Variants in TENM3 observed in about 807,000 individuals in gnomAD.
The protein encoded by TENM3 is teneurin transmembrane protein 3.
In TENM3, 63 loss-of-function variants were observed where a neutral mutation model predicts 255.1. The ratio of observed to expected loss-of-function variants is 0.25; its 90% CI spans 0.20 to 0.30. The LOEUF is 0.30. Ranked by LOEUF, TENM3 falls within the 10% of genes least tolerant of loss-of-function variation. The probability of loss-of-function intolerance (pLI) is 1.00; values close to 1 mark genes in which losing one functional copy is unlikely to be tolerated. For missense variants in TENM3, 2,929 were observed against 3,461.1 expected (o/e 0.85, Z 3.86); for synonymous variants, 1,306 against 1,322.3 (o/e 0.99, Z 0.27).
chr4:182,666,636 C>T (rs556610083), intron 6 of TENM3, among the ~76,000 whole-genome samples: 4 of 152,200 alleles, frequency 2.6e-5, no homozygotes, highest in Admixed American at 2.6e-4. Context: ...GTGGCTCATG[C>T]CTGCAATCCC....
At chr4:181,819,282 C>A in the TENM3 span, among the ~76,000 whole-genome samples, 1 of 152,056 alleles carries the variant, frequency 6.6e-6, no homozygotes, top group African/African-American at 2.4e-5. Context: ...TAGTCCCACC[C>A]AAAACGAGAT....
the TENM3 span, among the ~76,000 whole-genome samples, chr4:181,933,675 G>A: frequency 6.6e-6 from 1 of 152,142 alleles, no homozygotes; most frequent in African/African-American, 2.4e-5. Flanking sequence ...GACCAGCTTG[G>A]AAGCATTTTG....
chr4:181,772,041 T>C, the TENM3 span, among the ~76,000 whole-genome samples: 1 of 152,174 alleles, frequency 6.6e-6, no homozygotes, highest in Non-Finnish European at 1.5e-5. Context: ...ACACGTACTG[T>C]ATAACAGGTA....
At chr4:182,251,248 T>C (rs1757993781) in intron 1 of TENM3, among the ~76,000 whole-genome samples, 1 of 152,082 alleles carries the variant, frequency 6.6e-6, no homozygotes, top group South Asian at 2.1e-4. Flanking sequence ...AGCAGGAGGA[T>C]TGGGTGAGGC....
rs397762118 is a variant in TENM3, at chr4:182,385,262, C to CTTTTTT, written c.511+38348_511+38353dup. Among the ~76,000 whole-genome samples the CTTTTTT allele has an allele frequency of 2.5e-4, 28 of 112,104 alleles. 3 individuals are homozygous for CTTTTTT. Among genetic ancestry groups the CTTTTTT allele is most frequent in the East Asian group, 8.7e-4 (3 of 3,452 alleles). 73.5% of individuals were successfully genotyped at this position (112,104 alleles called of 152,430 possible). ...GGGAAAAGGAAGTTTTATTGTGCGT[C>CTTTTTT]TTTTTTTTTTTTTTTTTTTTGAGAC... On this transcript the variant is annotated intron_variant, in intron 3 of 27. Coordinates refer to ENST00000511685, the MANE Select transcript of TENM3 (RefSeq NM_001080477.4).
chr4:181,795,585 C>T, the TENM3 span, among the ~76,000 whole-genome samples: 1 of 152,244 alleles, frequency 6.6e-6, no homozygotes. Flanking sequence ...AAGGTATGAT[C>T]AATACCAGTT....
chr4:182,514,692 T>A (rs1737756636), intron 3 of TENM3, among the ~76,000 whole-genome samples: 1 of 152,130 alleles, frequency 6.6e-6, no homozygotes, highest in South Asian at 2.1e-4. Flanking sequence ...TAAATTGAGT[T>A]CATGAACTAC....
intron 1 of TENM3, among the ~76,000 whole-genome samples, chr4:182,251,398 G>A (rs997321787): frequency 5.3e-5 from 8 of 152,140 alleles, no homozygotes; most frequent in African/African-American, 1.9e-4. Flanking sequence ...AGCCCAGGTG[G>A]TCCAGGTTGC....
At chr4:182,341,337 A>G (rs2150622152) in intron 2 of TENM3, among the ~76,000 whole-genome samples, 1 of 152,368 alleles carries the variant, frequency 6.6e-6, no homozygotes, top group East Asian at 1.9e-4. Flanking sequence ...AACCTTTTCT[A>G]AATGACCCAT....
chr4:181,533,488 T>C, the TENM3 span, among the ~76,000 whole-genome samples: 1 of 152,076 alleles, frequency 6.6e-6, no homozygotes, highest in Non-Finnish European at 1.5e-5. Flanking sequence ...CTTCTCTTGG[T>C]CCCTTAAGGA....
chr4:182,565,885 A>C (rs1743745346), intron 3 of TENM3, among the ~76,000 whole-genome samples: 1 of 152,190 alleles, frequency 6.6e-6, no homozygotes. Flanking sequence ...TGTTGAAGTA[A>C]ACTAGAAGGG....
At chr4:182,572,225 G>A (rs1250231095) in intron 3 of TENM3, among the ~76,000 whole-genome samples, 1 of 152,192 alleles carries the variant, frequency 6.6e-6, no homozygotes, top group African/African-American at 2.4e-5. Context: ...TTAAAACAGA[G>A]ACTTTGTACT....
chr4:181,826,986 C>T, the TENM3 span, among the ~76,000 whole-genome samples: 3 of 152,106 alleles, frequency 2.0e-5, no homozygotes, highest in African/African-American at 4.8e-5. Flanking sequence ...AATTCAGAAC[C>T]AGGAGGCTAT....
At chr4:182,412,978 T>A (rs1001540864) in intron 3 of TENM3, among the ~76,000 whole-genome samples, 1 of 151,542 alleles carries the variant, frequency 6.6e-6, no homozygotes, top group South Asian at 2.1e-4. Flanking sequence ...AAACAATAGA[T>A]AAAATAAACT....
chr4:181,596,716 T>C, the TENM3 span, among the ~76,000 whole-genome samples: 2 of 151,826 alleles, frequency 1.3e-5, no homozygotes, highest in Non-Finnish European at 2.9e-5. Context: ...ATAAAGAAAA[T>C]GTGGTACATA....
chr4:182,342,160 A>G (rs1042968043), intron 2 of TENM3, among the ~76,000 whole-genome samples: 1 of 152,228 alleles, frequency 6.6e-6, no homozygotes, highest in African/African-American at 2.4e-5. Context: ...AAATGAAGAC[A>G]TATGTACGCA....
chr4:182,555,473 G>A (rs1360505409), intron 3 of TENM3, among the ~76,000 whole-genome samples: 1 of 152,072 alleles, frequency 6.6e-6, no homozygotes, highest in Non-Finnish European at 1.5e-5. Flanking sequence ...TAAACAAAAA[G>A]ATTATTTGTA....
At chr4:181,795,499 A>T in the TENM3 span, among the ~76,000 whole-genome samples, 1 of 152,130 alleles carries the variant, frequency 6.6e-6, no homozygotes, top group Non-Finnish European at 1.5e-5. Flanking sequence ...ATTTCAGGGG[A>T]TGTAAACATG....
rs587776950 is a variant in TENM3, at chr4:182,688,212, G to GA, written c.2083dup (p.Thr695AsnfsTer5). The GA allele has an allele frequency of 6.2e-7, 1 of 1,613,884 alleles. No individual in the cohort carries two copies. Among genetic ancestry groups the GA allele is most frequent in the Non-Finnish European group, 8.5e-7 (1 of 1,179,842 alleles). ...GCTCACACGGCGTTTGCATGGGGGG[G>GA]ACGTGTCGCTGTGAAGAAGGCTGGA... is the stretch of plus-strand genomic sequence containing the variant. On this transcript the variant is annotated frameshift_variant, in exon 12 of 28. Transcript: ENST00000511685. LOFTEE classifies it high-confidence loss of function.
Sources: gnomAD v4.1 joint callset for allele counts (sites outside exome capture counted in the v4.1 genomes callset) on GRCh38, gnomAD v4.1.1 for gene constraint, MANE v1.5 for transcripts, NCBI Gene and HGNC (gene_info 2026-07-23, HGNC 2026-07-21) for gene names.